Variants in NRBP2 observed in about 807,000 individuals in gnomAD.
NRBP2 encodes the protein nuclear receptor binding protein 2, also known as nuclear receptor-binding protein 2.
Under a neutral mutation model 74.4 loss-of-function variants are expected in NRBP2, and 47 were observed. The ratio of observed to expected loss-of-function variants is 0.63; its 90% confidence interval spans 0.50 to 0.81. The LOEUF (loss-of-function observed/expected upper bound fraction) is 0.81, where lower values mean the gene tolerates loss of function less well. Among genes scored for constraint, NRBP2 ranks in the 30% least tolerant of loss-of-function variants. NRBP2 has a pLI of 0.00. For synonymous variants in NRBP2, 312 were observed against 273.8 expected (o/e 1.14, Z -1.38); for missense variants, 613 against 690.1 (o/e 0.89, Z 1.25).
chr8:143,836,704 G>GGT (rs1217126008), intron 14 of NRBP2, among the ~76,000 whole-genome samples: 1 of 138,480 alleles, frequency 7.2e-6, no homozygotes, highest in African/African-American at 2.7e-5. Flanking sequence ...GGGGTGGGGG[G>GGT]GGTGGGAGGG....
downstream of NRBP2, among the ~76,000 whole-genome samples, chr8:143,831,890 A>C (rs1818176888): frequency 1.3e-5 from 2 of 152,262 alleles, no homozygotes; most frequent in African/African-American, 4.8e-5. Context: ...AGAAAATGAC[A>C]CAATACCCTT....
downstream of NRBP2, among the ~76,000 whole-genome samples, chr8:143,831,848 T>G (rs1818175716): frequency 6.6e-6 from 1 of 152,174 alleles, no homozygotes; most frequent in East Asian, 1.9e-4. Context: ...AGAGTCAGAA[T>G]TCAGGAAGGC....
At position 143,834,481 on chromosome 8, in the gene NRBP2, T is replaced by C. The variant is rs1202261498; in HGVS notation, c.*1181A>G. ...GAAGGCAGCCTGCCAGCCTTGATTCTAGTCCAGTGAGACCCATAGTCAGAC... is the reference window on the plus strand; with the variant it reads ...GAAGGCAGCCTGCCAGCCTTGATTCCAGTCCAGTGAGACCCATAGTCAGAC... On this transcript the variant is annotated 3_prime_UTR_variant, in exon 18 of 18. Transcript: ENST00000442628. 6.6e-6 allele frequency: 1 copy of C among 152,270 alleles called. No homozygotes were observed. The highest frequency in any genetic ancestry group is 1.5e-5 in the Non-Finnish European group (1 of 68,044). The allele number at this position is 152,270 out of a possible 1,614,324, so 9.4% of individuals were successfully genotyped here.
rs1554653259 is a variant in NRBP2 at position 143,839,902 on chromosome 8, C to T, written c.354+27G>A. The T allele has an allele frequency of 3.9e-6, 6 of 1,535,664 alleles. No homozygotes were observed. Among genetic ancestry groups the T allele is most frequent in the Non-Finnish European group, 5.2e-6 (6 of 1,146,454 alleles). On this transcript the variant is annotated intron_variant, in intron 3 of 17. Transcript: ENST00000442628. This position sits in a 1 kb window ranked among gnomAD's most constrained non-coding sequence, Gnocchi z 5.1. ...CCGCCCCACCTAGCTGTGGTCTCTGCCTGCCCGGGGCCTTGCCCGTGCTCA... is the reference window on the plus strand; with the variant it reads ...CCGCCCCACCTAGCTGTGGTCTCTGTCTGCCCGGGGCCTTGCCCGTGCTCA...
rs782065592 is a variant in NRBP2, at chr8:143,837,074, G to C, written c.1228C>G (p.Pro410Ala). The part of the protein sequence containing the change: ...PPEEVQKAKT[P>A]TPEPFDSETR... ...TCAGAGTCAAAGGGCTCTGGCGTCG[G>C]GGTCTTGGCCTTTTGGACCTCCTCC... The change falls in exon 14 of 18, where the codon CCG becomes GCG. Residue 410 changes from proline to alanine, a missense_variant. Coordinates refer to ENST00000442628, the MANE Select transcript of NRBP2 (RefSeq NM_178564.4). The surrounding 1 kb of genome is among the most constrained non-coding windows in gnomAD (Gnocchi z 4.3). 4.0e-5 allele frequency: 64 copies of C among 1,611,840 alleles called. No homozygotes were observed. Among genetic ancestry groups the C allele is most frequent in the Non-Finnish European group, 5.3e-5 (63 of 1,179,280 alleles).
chr8:143,836,451 G>A (rs1208193730), intron 14 of NRBP2, among the ~76,000 whole-genome samples: 6 of 151,962 alleles, frequency 3.9e-5, no homozygotes, highest in African/African-American at 9.7e-5. Flanking sequence ...GAGGTTGGGC[G>A]GGACAGGACC....
In NRBP2 at chr8:143,839,328, A is replaced by G; in HGVS notation, c.566T>C (p.Ile189Thr). The G allele has an allele frequency of 7.0e-7, 1 of 1,428,048 alleles. No homozygotes were observed. 88.5% of individuals were successfully genotyped at this position (1,428,048 alleles called of 1,614,324 possible). A position where few individuals can be genotyped will look rare whatever the true frequency, so the allele number is the denominator to read the frequency against. ...DTIFIQHNGL[I>T]KIGSVWHRIF... ...CCCGCCAGCACCGGAGCCGATCTTG[A>G]TGAGGCCGTTGTGCTGAATGAAGAT... Residue 189 changes from isoleucine (I) to threonine (T), a missense_variant, in exon 6 of 18, where the codon ATC becomes ACC. This residue lies in a region of NRBP2 where 332 missense variants were observed against 429.2 expected (regional missense o/e 0.77). Transcript: ENST00000442628. The surrounding 1 kb of genome is among the most constrained non-coding windows in gnomAD (Gnocchi z 5.1).
In NRBP2 at chr8:143,837,207, G is replaced by C; in HGVS notation, c.1128-33C>G. On this transcript the variant is annotated intron_variant, in intron 13 of 17. Coordinates refer to ENST00000442628, the MANE Select transcript of NRBP2 (RefSeq NM_178564.4). The surrounding 1 kb of genome is among the most constrained non-coding windows in gnomAD (Gnocchi z 4.3). ...CACAACAGGGTGGCTGGGGGTTCAG[G>C]CCTGACAGCTGCCTGGCCCCCAACC... 6.2e-7 allele frequency: 1 copy of C among 1,613,880 alleles called. No individual in the cohort carries two copies. The highest frequency in any genetic ancestry group is 8.5e-7 in the Non-Finnish European group (1 of 1,179,960).
rs539918270 is a variant in NRBP2 at position 143,838,144 on chromosome 8, C to T, written c.841-389G>A. The T allele has an allele frequency of 3.2e-5, 14 of 434,618 alleles. No individual in the cohort carries two copies. The East Asian group carries it at 6.9e-4, about 21-fold the overall frequency. The allele number at this position is 434,618 out of a possible 1,614,324, so 26.9% of individuals were successfully genotyped here. On this transcript the variant is annotated intron_variant, in intron 10 of 17. Coordinates refer to ENST00000442628, the MANE Select transcript of NRBP2 (RefSeq NM_178564.4). ...ATCCGTGCCCAGCCCGGCTCCAGCT[C>T]GCCACCAGCCCCGACCAGGCACCCC...
rs1347615980 is a variant in NRBP2, at chr8:143,839,663, C to T, written c.444+73G>A. 12 of 1,524,412 alleles carry T rather than the reference C, an allele frequency of 7.9e-6. No homozygotes were observed. Among genetic ancestry groups the T allele is most frequent in the East Asian group, 2.5e-5 (1 of 40,740 alleles). 94.4% of individuals were successfully genotyped at this position (1,524,412 alleles called of 1,614,324 possible). A position where few individuals can be genotyped will look rare whatever the true frequency, so the allele number is the denominator to read the frequency against. On this transcript the variant is annotated intron_variant, in intron 4 of 17. Coordinates refer to ENST00000442628, the MANE Select transcript of NRBP2 (RefSeq NM_178564.4). The surrounding 1 kb of genome is among the most constrained non-coding windows in gnomAD (Gnocchi z 5.1). The stretch of plus-strand genomic sequence containing the variant: ...CCTGTCCGAGGCCGCCGGGCACCCC[C>T]TCACCATCCCAGTCCCCGAGGCTGC...
downstream of NRBP2, among the ~76,000 whole-genome samples, chr8:143,831,965 C>G (rs191267336): frequency 7.2e-5 from 11 of 152,302 alleles, no homozygotes; most frequent in Admixed American, 5.9e-4. Context: ...CACTGTTAAG[C>G]ATATGTGAGG....
chr8:143,837,513 C>T lies in NRBP2; in HGVS notation c.974-4G>A, dbSNP rs114788986. 1,968 of 1,607,068 alleles carry T rather than the reference C, an allele frequency of 1.2e-3. 27 individuals are homozygous for T. The African/African-American group carries it at 0.023, about 19-fold the overall frequency. On this transcript the variant is annotated splice_polypyrimidine_tract_variant and splice_region_variant and intron_variant, in intron 11 of 17. Transcript: ENST00000442628. This position sits in a 1 kb window ranked among gnomAD's most constrained non-coding sequence, Gnocchi z 4.3. ...ACCACATTCTCAGGCATGAGGTCTG[C>T]GGCCACAAGAGCATCAAGGCGGTGT...
chr8:143,835,418 T>G lies in NRBP2; in HGVS notation c.*244A>C. On this transcript the variant is annotated 3_prime_UTR_variant, in exon 18 of 18. Coordinates refer to ENST00000442628, the MANE Select transcript of NRBP2 (RefSeq NM_178564.4). The surrounding 1 kb of genome is among the most constrained non-coding windows in gnomAD (Gnocchi z 4.9). ...GGAGAATGGAGGATATGGGAAGGGG[T>G]TCTGGGGGCAACCCTGATCCTAAGG... 3 of 608,866 alleles carry G rather than the reference T, an allele frequency of 4.9e-6. No homozygotes were observed. The highest frequency in any genetic ancestry group is 3.0e-5 in the Admixed American group (1 of 33,612). 37.7% of individuals were successfully genotyped at this position (608,866 alleles called of 1,614,324 possible).
chr8:143,839,580 G>T lies in NRBP2; in HGVS notation c.445-31C>A, dbSNP rs879999059. ...GGCGGACGCACGACTCCGTCGGTCG[G>T]GTGGGCGCAGGAGAGGCGGCTGGGC... On this transcript the variant is annotated intron_variant, in intron 4 of 17. Coordinates refer to ENST00000442628, the MANE Select transcript of NRBP2 (RefSeq NM_178564.4). This position sits in a 1 kb window ranked among gnomAD's most constrained non-coding sequence, Gnocchi z 5.1. 1 of 1,525,292 alleles carries T rather than the reference G, an allele frequency of 6.6e-7. No individual in the cohort carries two copies. The allele number at this position is 1,525,292 out of a possible 1,614,324, so 94.5% of individuals were successfully genotyped here. A position where few individuals can be genotyped will look rare whatever the true frequency, so the allele number is the denominator to read the frequency against.
At position 143,836,120 on chromosome 8, in the gene NRBP2, C is replaced by G. The variant is rs549636740; in HGVS notation, c.1317+7G>C. 1.2e-6 allele frequency: 2 copies of G among 1,601,636 alleles called. No individual in the cohort carries two copies. The highest frequency in any genetic ancestry group is 2.3e-5 in the East Asian group (1 of 44,148). On this transcript the variant is annotated splice_region_variant and intron_variant, in intron 15 of 17. Coordinates refer to ENST00000442628, the MANE Select transcript of NRBP2 (RefSeq NM_178564.4). ...ACGGCAGCGCCGCCCTCCCAGGCCC[C>G]GCTCACATGCCAGCGCGCCTTGTCC...
rs886305302 is a variant in NRBP2 at position 143,837,966 on chromosome 8, C to G, written c.841-211G>C. On this transcript the variant is annotated intron_variant, in intron 10 of 17. Coordinates refer to ENST00000442628, the MANE Select transcript of NRBP2 (RefSeq NM_178564.4). This position sits in a 1 kb window ranked among gnomAD's most constrained non-coding sequence, Gnocchi z 4.3. ...GGACAGCTGGGTTCTGGGATTGGAG[C>G]ACCATGCTCTGCTTCCCTCGACCCC... is the stretch of plus-strand genomic sequence containing the variant. 5.7e-5 allele frequency: 41 copies of G among 716,782 alleles called. No individual in the cohort carries two copies. In the East Asian group the frequency reaches 1.1e-3, roughly 19 times the overall value. 44.4% of individuals were successfully genotyped at this position (716,782 alleles called of 1,614,324 possible). A position where few individuals can be genotyped will look rare whatever the true frequency, so the allele number is the denominator to read the frequency against.
chr8:143,840,398 T>TC lies in NRBP2; in HGVS notation c.130-170dup. 1 of 921,458 alleles carries TC rather than the reference T, an allele frequency of 1.1e-6. No individual in the cohort carries two copies. Among genetic ancestry groups the TC allele is most frequent in the Non-Finnish European group, 1.6e-6 (1 of 629,730 alleles). The allele number at this position is 921,458 out of a possible 1,614,324, so 57.1% of individuals were successfully genotyped here. A position where few individuals can be genotyped will look rare whatever the true frequency, so the allele number is the denominator to read the frequency against. ...GTAGCTGCCCCCAGGAGCCAAGGGC[T>TC]CCTATCCAAGGGCTGGGCTAAGGGG... On this transcript the variant is annotated intron_variant, in intron 1 of 17. Transcript: ENST00000442628. This position sits in a 1 kb window ranked among gnomAD's most constrained non-coding sequence, Gnocchi z 5.7.
chr8:143,840,376 G>T lies in NRBP2; in HGVS notation c.130-147C>A. 2.7e-6 allele frequency: 3 copies of T among 1,107,250 alleles called. No homozygotes were observed. Among genetic ancestry groups the T allele is most frequent in the South Asian group, 1.6e-5 (1 of 61,842 alleles). 68.6% of individuals were successfully genotyped at this position (1,107,250 alleles called of 1,614,324 possible). A position where few individuals can be genotyped will look rare whatever the true frequency, so the allele number is the denominator to read the frequency against. On this transcript the variant is annotated intron_variant, in intron 1 of 17. Transcript: ENST00000442628. This position sits in a 1 kb window ranked among gnomAD's most constrained non-coding sequence, Gnocchi z 5.7. ...GCGGGAAGGTGGGGCTTGGAGGGTAGCTGCCCCCAGGAGCCAAGGGCTCCT... is the reference window on the plus strand; with the variant it reads ...GCGGGAAGGTGGGGCTTGGAGGGTATCTGCCCCCAGGAGCCAAGGGCTCCT...
Position 143,839,150 on chromosome 8 carries a change from T to TG in NRBP2, c.604+21_604+22insC. On this transcript the variant is annotated intron_variant, in intron 7 of 17. Coordinates refer to ENST00000442628, the MANE Select transcript of NRBP2 (RefSeq NM_178564.4). The surrounding 1 kb of genome is among the most constrained non-coding windows in gnomAD (Gnocchi z 5.1). ...GGGCGGGGACCTCTCCAGGACCCCG[T>TG]CCCCCCAAAGTCCGCACTTACCATT... 1 of 1,516,446 alleles carries TG rather than the reference T, an allele frequency of 6.6e-7. No individual in the cohort carries two copies. Among genetic ancestry groups the TG allele is most frequent in the Admixed American group, 2.0e-5 (1 of 49,982 alleles). 93.9% of individuals were successfully genotyped at this position (1,516,446 alleles called of 1,614,324 possible). A position where few individuals can be genotyped will look rare whatever the true frequency, so the allele number is the denominator to read the frequency against.
Sources: gnomAD v4.1 joint callset for allele counts (sites outside exome capture counted in the v4.1 genomes callset) on GRCh38, gnomAD v4.1.1 for gene constraint, gnomAD v4.1.1 regional missense constraint, Gnocchi (gnomAD v3.1) non-coding constraint, MANE v1.5 for transcripts, NCBI Gene and HGNC (gene_info 2026-07-23, HGNC 2026-07-21) for gene names.